FLRT2: variants seen among roughly 807,000 people sequenced by gnomAD.
FLRT2 encodes the protein leucine-rich repeat transmembrane protein FLRT2.
FLRT2 carries 15 observed loss-of-function variants against 40.0 expected under a neutral mutation model. That is an observed-to-expected ratio of 0.38 (90% CI 0.25 to 0.58). The LOEUF (loss-of-function observed/expected upper bound fraction) is 0.58. Among genes scored for constraint, FLRT2 ranks in the 20% least tolerant of loss-of-function variants. The pLI, the probability that FLRT2 is intolerant of heterozygous loss-of-function variation, is 0.71. For missense variants in FLRT2, 726 were observed against 840.0 expected (o/e 0.86, Z 1.68); for synonymous variants, 380 against 336.8 (o/e 1.13, Z -1.41).
intron 1 of FLRT2, among the ~76,000 whole-genome samples, chr14:85,566,572 T>TGTGTGTGTGTGTGTGTGTGTGTGC: frequency 1.3e-5 from 2 of 151,896 alleles, no homozygotes; most frequent in African/African-American, 4.8e-5. Context: ...TGTGTGTGTG[T>TGTGTGTGTGTGTGTGTGTGTGTGC]GTGTGCAAGA....
rs1021691711 is a variant in FLRT2, at chr14:85,624,621, C to T, written c.*1124C>T. 2.4e-5 allele frequency: 4 copies of T among 166,868 alleles called. No homozygotes were observed. The highest frequency in any genetic ancestry group is 5.9e-5 in the Non-Finnish European group (4 of 68,120). 10.3% of individuals were successfully genotyped at this position (166,868 alleles called of 1,614,324 possible). On this transcript the variant is annotated 3_prime_UTR_variant, in exon 2 of 2. Coordinates refer to ENST00000330753, the MANE Select transcript of FLRT2 (RefSeq NM_013231.6). ...AGCTTGAAGTAATATCTTTTATCCCCTTGCAAATTCTTGTCTTCCAATCAT... is the reference window on the plus strand; with the variant it reads ...AGCTTGAAGTAATATCTTTTATCCCTTTGCAAATTCTTGTCTTCCAATCAT...
chr14:85,561,665 C>G (rs1358970899), intron 1 of FLRT2, among the ~76,000 whole-genome samples: 1 of 152,196 alleles, frequency 6.6e-6, no homozygotes, highest in Non-Finnish European at 1.5e-5. Flanking sequence ...GCAAATGATA[C>G]TGTTGACAGC....
At chr14:85,568,994 C>A (rs942466255) in intron 1 of FLRT2, among the ~76,000 whole-genome samples, 8 of 152,092 alleles carry the variant, frequency 5.3e-5, no homozygotes, top group African/African-American at 1.9e-4. Flanking sequence ...TTTAGAAATC[C>A]CAACGGTGGT....
intron 1 of FLRT2, among the ~76,000 whole-genome samples, chr14:85,557,208 C>G (rs1030076136): frequency 6.6e-6 from 1 of 151,608 alleles, no homozygotes; most frequent in Non-Finnish European, 1.5e-5. Context: ...CACAGAGACC[C>G]TCTTACTAAG....
intron 1 of FLRT2, among the ~76,000 whole-genome samples, chr14:85,602,100 G>T (rs1892401379): frequency 6.6e-6 from 1 of 152,194 alleles, no homozygotes; most frequent in African/African-American, 2.4e-5. Context: ...GGGTAGTAAA[G>T]TGTCTGCTTA....
At position 85,638,523 on chromosome 14, in the gene FLRT2, A is replaced by T. The variant is rs1594976176; in HGVS notation, c.*15026A>T. 1 of 150,618 alleles carries T rather than the reference A, an allele frequency of 6.6e-6. No homozygotes were observed. Among genetic ancestry groups the T allele is most frequent in the Non-Finnish European group, 1.5e-5 (1 of 67,690 alleles). The allele number at this position is 150,618 out of a possible 1,614,324, so 9.3% of individuals were successfully genotyped here. On this transcript the variant is annotated 3_prime_UTR_variant, in exon 2 of 2. Coordinates refer to ENST00000330753, the MANE Select transcript of FLRT2 (RefSeq NM_013231.6). ...CCTTCCACAGGTGTCAGCTGCAAAA[A>T]CCCTCCCAAGTAAGCCTCTTGTATG...
At position 85,642,581 on chromosome 14, in the gene FLRT2, A is replaced by AT. The variant is rs1894176357; in HGVS notation, c.*19090dup. 6.6e-6 allele frequency: 1 copy of AT among 152,174 alleles called. No homozygotes were observed. The highest frequency in any genetic ancestry group is 6.5e-5 in the Admixed American group (1 of 15,274). The allele number at this position is 152,174 out of a possible 1,614,324, so 9.4% of individuals were successfully genotyped here. ...AACAAAAAAACGGCAATAGTTTGTT[A>AT]TTTTTTATCAGGAGAAATCTGCGGA... is the stretch of plus-strand genomic sequence containing the variant. On this transcript the variant is annotated 3_prime_UTR_variant, in exon 2 of 2. Coordinates refer to ENST00000330753, the MANE Select transcript of FLRT2 (RefSeq NM_013231.6).
chr14:85,625,632 C>T lies in FLRT2; in HGVS notation c.*2135C>T, dbSNP rs886396194. 3 of 166,816 alleles carry T rather than the reference C, an allele frequency of 1.8e-5. No homozygotes were observed. The Admixed American group carries it at 2.0e-4, about 11-fold the overall frequency. 10.3% of individuals were successfully genotyped at this position (166,816 alleles called of 1,614,324 possible). A position where few individuals can be genotyped will look rare whatever the true frequency, so the allele number is the denominator to read the frequency against. ...GCTGTTGCTTTTTTTAAAGTTAGGT[C>T]CACACAGTGAAGGGAAAAGAGTCTG... is the stretch of plus-strand genomic sequence containing the variant. On this transcript the variant is annotated 3_prime_UTR_variant, in exon 2 of 2. Coordinates refer to ENST00000330753, the MANE Select transcript of FLRT2 (RefSeq NM_013231.6).
chr14:85,574,893 G>A (rs1383067597), intron 1 of FLRT2, among the ~76,000 whole-genome samples: 1 of 151,872 alleles, frequency 6.6e-6, no homozygotes, highest in Non-Finnish European at 1.5e-5. Context: ...ACTTCTTTAG[G>A]CTCCTTTGGA....
chr14:85,606,247 T>G (rs1325538530), intron 1 of FLRT2, among the ~76,000 whole-genome samples: 2 of 152,222 alleles, frequency 1.3e-5, no homozygotes, highest in African/African-American at 4.8e-5. Context: ...CCGCTAACAC[T>G]CAGTATGTCA....
At chr14:85,548,445 T>C (rs1196766750) in intron 1 of FLRT2, among the ~76,000 whole-genome samples, 1 of 152,224 alleles carries the variant, frequency 6.6e-6, no homozygotes, top group East Asian at 1.9e-4. Flanking sequence ...AAACCTGTAC[T>C]CTTTCCAAGC....
rs1894328859 is a variant in FLRT2 at position 85,647,272 on chromosome 14, C to T, written c.*23775C>T. 1 of 152,022 alleles carries T rather than the reference C, an allele frequency of 6.6e-6. No individual in the cohort carries two copies. The highest frequency in any genetic ancestry group is 1.5e-5 in the Non-Finnish European group (1 of 68,002). The allele number at this position is 152,022 out of a possible 1,614,324, so 9.4% of individuals were successfully genotyped here. ...CTTATTTTACCTTTGCTTAATATGC[C>T]TTATAGTTTACTAACTTACTTAACA... is the stretch of plus-strand genomic sequence containing the variant. On this transcript the variant is annotated 3_prime_UTR_variant, in exon 2 of 2. Coordinates refer to ENST00000330753, the MANE Select transcript of FLRT2 (RefSeq NM_013231.6).
intron 1 of FLRT2, among the ~76,000 whole-genome samples, chr14:85,544,027 A>G (rs1408613943): frequency 6.6e-6 from 1 of 152,218 alleles, no homozygotes; most frequent in East Asian, 1.9e-4. Context: ...TAATTGAGTT[A>G]GTAAATGGAA....
intron 1 of FLRT2, among the ~76,000 whole-genome samples, chr14:85,561,708 A>G (rs953860212): frequency 6.6e-6 from 1 of 152,366 alleles, no homozygotes; most frequent in Admixed American, 6.5e-5. Flanking sequence ...CCTAGAATAC[A>G]ATGATAAAGT....
chr14:85,624,480 TG>T lies in FLRT2; in HGVS notation c.*984del, dbSNP rs1276970682. On this transcript the variant is annotated 3_prime_UTR_variant, in exon 2 of 2. Transcript: ENST00000330753. The stretch of plus-strand genomic sequence containing the variant: ...GATATTTAGACCAACAGGTGATCAA[TG>T]TTTGGAAAATACAACAATGACTTAT... The T allele has an allele frequency of 6.0e-6, 1 of 167,100 alleles. No individual in the cohort carries two copies. The highest frequency in any genetic ancestry group is 1.5e-5 in the Non-Finnish European group (1 of 68,130). 10.4% of individuals were successfully genotyped at this position (167,100 alleles called of 1,614,324 possible).
At chr14:85,536,791 C>T (rs992480185) in intron 1 of FLRT2, among the ~76,000 whole-genome samples, 1 of 151,916 alleles carries the variant, frequency 6.6e-6, no homozygotes, top group African/African-American at 2.4e-5. Context: ...CATTTAATTA[C>T]AGTAATAAAA....
rs190099041 is a variant in FLRT2 at position 85,549,212 on chromosome 14, C to A, written c.-377+18678C>A. Among the ~76,000 whole-genome samples the A allele has an allele frequency of 7.0e-4, 107 of 152,080 alleles. 2 individuals are homozygous for A. Among genetic ancestry groups the A allele is most frequent in the Middle Eastern group, 6.8e-3 (2 of 294 alleles). On this transcript the variant is annotated intron_variant, in intron 1 of 1. Transcript: ENST00000330753. ...GGTACGGGTGCAAGAGACTGTCACA[C>A]TGACCCTCCACTGAGCTGTCTAACA...
intron 1 of FLRT2, among the ~76,000 whole-genome samples, chr14:85,612,876 G>A (rs1892950944): frequency 6.6e-6 from 1 of 152,138 alleles, no homozygotes; most frequent in Non-Finnish European, 1.5e-5. Context: ...CATTTCATGG[G>A]CCTAATCAAT....
At chr14:85,542,722 T>C (rs1170735514) in intron 1 of FLRT2, among the ~76,000 whole-genome samples, 2 of 152,172 alleles carry the variant, frequency 1.3e-5, no homozygotes, top group Non-Finnish European at 2.9e-5. Flanking sequence ...ACAAGTCCAG[T>C]GGTGCTGACA....
Sources: allele counts gnomAD v4.1 joint callset (sites outside exome capture counted in the v4.1 genomes callset), GRCh38; gene constraint gnomAD v4.1.1; transcripts MANE v1.5; gene names NCBI Gene and HGNC (gene_info 2026-07-23, HGNC 2026-07-21).